ATP9B: variants seen among roughly 807,000 people sequenced by gnomAD.
ATP9B encodes probable phospholipid-transporting ATPase IIB.
A neutral mutation model predicts 146.1 loss-of-function variants in ATP9B; 110 were observed. That is an observed-to-expected ratio of 0.75 (90% CI 0.65 to 0.88). ATP9B has a LOEUF of 0.88. Among genes scored for constraint, ATP9B ranks in the 40% least tolerant of loss-of-function variants. The pLI is 0.00. For synonymous variants in ATP9B, 604 were observed against 569.7 expected, an observed-to-expected ratio of 1.06 and a Z score of -0.86; for missense variants, 1,499 against 1,496.4, an observed-to-expected ratio of 1.00 and a Z score of -0.03.
chr18:79,276,401 G>A (rs2145721451), intron 12 of ATP9B, among the ~76,000 whole-genome samples: 1 of 152,376 alleles, frequency 6.6e-6, no homozygotes, highest in Non-Finnish European at 1.5e-5. Flanking sequence ...AAAAAGTCCA[G>A]GGCATAGTTA....
At chr18:79,122,365 A>ACT (rs2094204683) in intron 4 of ATP9B, among the ~76,000 whole-genome samples, 4 of 152,162 alleles carry the variant, frequency 2.6e-5, no homozygotes, top group Non-Finnish European at 5.9e-5. Context: ...GGATTCAAAG[A>ACT]TGCATATTTT....
chr18:79,277,083 C>T lies in ATP9B; in HGVS notation c.1298C>T (p.Ala433Val), dbSNP rs200787709. The stretch of plus-strand genomic sequence containing the variant: ...CGTGTGAACTTGGACATGGGCAAAG[C>T]GGTGTATGGATGGATGATGATGAAA... ...SLRVNLDMGK[A>V]VYGWMMMKDE... The change falls in exon 13 of 30, where the codon GCG (alanine) becomes GTG (valine). Residue 433 changes from alanine to valine, a missense_variant. Transcript: ENST00000426216. 3.4e-4 allele frequency: 548 copies of T among 1,614,092 alleles called. 6 individuals are homozygous for T. In the South Asian group the frequency reaches 5.7e-3, roughly 17 times the overall value.
chr18:79,212,123 A>G (rs780505189), intron 10 of ATP9B, among the ~76,000 whole-genome samples: 1 of 152,216 alleles, frequency 6.6e-6, no homozygotes, highest in Non-Finnish European at 1.5e-5. Context: ...TCATAAGTAC[A>G]TACCCTTTGT....
At chr18:79,302,675 TGAG>T (rs913808545) in intron 13 of ATP9B, among the ~76,000 whole-genome samples, 17 of 152,228 alleles carry the variant, frequency 1.1e-4, no homozygotes, top group African/African-American at 4.1e-4. Flanking sequence ...CTGTGGTACT[TGAG>T]GAGCAGGCAT....
At chr18:79,092,483 A>C (rs998787817) in intron 1 of ATP9B, among the ~76,000 whole-genome samples, 1 of 152,160 alleles carries the variant, frequency 6.6e-6, no homozygotes, top group Non-Finnish European at 1.5e-5. Context: ...GAACTTTTTT[A>C]CTTTGTAATT....
chr18:79,337,769 G>A (rs1448247879), intron 19 of ATP9B, among the ~76,000 whole-genome samples: 1 of 152,196 alleles, frequency 6.6e-6, no homozygotes, highest in African/African-American at 2.4e-5. Flanking sequence ...GGATGGTTAT[G>A]CACCCCCCAC....
At chr18:79,091,805 T>C (rs1469850373) in intron 1 of ATP9B, among the ~76,000 whole-genome samples, 2 of 152,222 alleles carry the variant, frequency 1.3e-5, no homozygotes, top group Non-Finnish European at 2.9e-5. Flanking sequence ...GGACTTCCAG[T>C]ACTATGTCGA....
chr18:79,100,091 C>T (rs2075147149), intron 2 of ATP9B, among the ~76,000 whole-genome samples: 1 of 152,188 alleles, frequency 6.6e-6, no homozygotes, highest in Non-Finnish European at 1.5e-5. Flanking sequence ...CATGCCACTG[C>T]ACTCCAGCCT....
At chr18:79,367,415 C>CAG (rs1291166985) in intron 26 of ATP9B, among the ~76,000 whole-genome samples, 3 of 89,704 alleles carry the variant, frequency 3.3e-5, no homozygotes, top group African/African-American at 1.5e-4. Flanking sequence ...AGAGAGCACA[C>CAG]ATATCTTCAC....
chr18:79,281,440 T>A (rs1024225979), intron 13 of ATP9B, among the ~76,000 whole-genome samples: 1 of 151,662 alleles, frequency 6.6e-6, no homozygotes, highest in Non-Finnish European at 1.5e-5. Flanking sequence ...GAGATCCTGG[T>A]GAGGCGAGAT....
intron 16 of ATP9B, 128 bp from the exon 17 acceptor site, chr18:79,329,881 TGAG>T: frequency 2.6e-6 from 2 of 773,216 alleles, no homozygotes; most frequent in Non-Finnish European, 4.4e-6. Flanking sequence ...GAAACACGTG[TGAG>T]GAGCTTAACA....
At chr18:79,289,046 C>T (rs1169363006) in intron 13 of ATP9B, among the ~76,000 whole-genome samples, 2 of 152,220 alleles carry the variant, frequency 1.3e-5, no homozygotes, top group Non-Finnish European at 2.9e-5. Context: ...CTGCCCTTAA[C>T]ATTTTTTCCT....
chr18:79,131,116 G>A (rs1049890167), intron 5 of ATP9B, among the ~76,000 whole-genome samples: 29 of 152,086 alleles, frequency 1.9e-4, no homozygotes, highest in Non-Finnish European at 3.2e-4. Flanking sequence ...AGCTGAGATC[G>A]TGCCACTGCA....
chr18:79,175,752 A>G (rs1260806731), intron 7 of ATP9B, among the ~76,000 whole-genome samples: 1 of 152,094 alleles, frequency 6.6e-6, no homozygotes, highest in Non-Finnish European at 1.5e-5. Context: ...ACACACAAAT[A>G]CATATGTACA....
chr18:79,161,344 T>G (rs2094877208), intron 7 of ATP9B, among the ~76,000 whole-genome samples: 1 of 152,160 alleles, frequency 6.6e-6, no homozygotes, highest in Non-Finnish European at 1.5e-5. Flanking sequence ...TTGAGAATCT[T>G]AAGAATTATC....
intron 6 of ATP9B, among the ~76,000 whole-genome samples, chr18:79,152,883 T>G (rs1310437372): frequency 6.6e-6 from 1 of 152,234 alleles, no homozygotes; most frequent in Non-Finnish European, 1.5e-5. Flanking sequence ...CATCTAGCTT[T>G]GTATTGGTAT....
At chr18:79,097,398 T>C (rs1333457524) in intron 2 of ATP9B, among the ~76,000 whole-genome samples, 1 of 151,892 alleles carries the variant, frequency 6.6e-6, no homozygotes, top group African/African-American at 2.4e-5. Flanking sequence ...CATTTCAGAC[T>C]AGGTTGATTA....
At chr18:79,189,800 T>C (rs2095345613) in intron 8 of ATP9B, among the ~76,000 whole-genome samples, 1 of 152,258 alleles carries the variant, frequency 6.6e-6, no homozygotes, top group African/African-American at 2.4e-5. Context: ...TTTCTTGTAG[T>C]GTGATGACTT....
At chr18:79,280,670 A>C (rs959327161) in intron 13 of ATP9B, among the ~76,000 whole-genome samples, 1 of 152,210 alleles carries the variant, frequency 6.6e-6, no homozygotes, top group Admixed American at 6.5e-5. Flanking sequence ...TTACTTATCT[A>C]ACAACTAGAA....
Sources: allele counts gnomAD v4.1 joint callset (sites outside exome capture counted in the v4.1 genomes callset), GRCh38; gene constraint gnomAD v4.1.1; transcripts MANE v1.5; gene names NCBI Gene and HGNC (gene_info 2026-07-23, HGNC 2026-07-21).